The following CASR variants were observed in gnomAD, a reference collection of about 807,000 sequenced individuals.
CASR encodes the protein calcium sensing receptor, also known as extracellular calcium-sensing receptor.
A neutral mutation model predicts 69.1 loss-of-function variants in CASR; 23 were observed. The observed-to-expected ratio is 0.33, with a 90% CI of 0.24 to 0.47. The LOEUF is 0.47. Ranked by LOEUF, CASR falls within the 20% of genes least tolerant of loss-of-function variation. The probability of loss-of-function intolerance (pLI) is 1.00; values close to 1 mark genes in which losing one functional copy is unlikely to be tolerated. For missense variants in CASR, 924 were observed against 1,356.1 expected (o/e 0.68, Z 5.00); for synonymous variants, 541 against 544.7 (o/e 0.99, Z 0.10).
intron 1 of CASR, among the ~76,000 whole-genome samples, chr3:122,213,012 A>G (rs566920730): frequency 1.3e-5 from 2 of 152,300 alleles, no homozygotes; most frequent in East Asian, 3.9e-4. Flanking sequence ...GACTCAAGGT[A>G]AAATTACCTA....
At chr3:122,213,529 T>G (rs1205416182) in intron 1 of CASR, among the ~76,000 whole-genome samples, 1 of 152,206 alleles carries the variant, frequency 6.6e-6, no homozygotes, top group Admixed American at 6.5e-5. Flanking sequence ...CTGGCTCGTT[T>G]GGGTCCTCTC....
At chr3:122,201,521 C>T (rs909301345) in intron 1 of CASR, among the ~76,000 whole-genome samples, 3 of 152,264 alleles carry the variant, frequency 2.0e-5, no homozygotes, top group African/African-American at 7.2e-5. Flanking sequence ...TTGGGTACAC[C>T]TCCCAGACGG....
intron 3 of CASR, among the ~76,000 whole-genome samples, chr3:122,260,321 C>T (rs945049197): frequency 2.6e-5 from 4 of 152,218 alleles, no homozygotes; most frequent in East Asian, 3.8e-4. Flanking sequence ...CTTCAAGCAA[C>T]GATCTCTTAA....
rs558206406 is a variant in CASR, at chr3:122,263,751, G to A, written c.1377+1339G>A. ...CTGTTGGCTAAAGTTTCTAACTTCT[G>A]TGGGGTACTCAGAGCTTCTTTCTTC... On this transcript the variant is annotated intron_variant, in intron 4 of 6. Coordinates refer to ENST00000639785, the MANE Select transcript of CASR (RefSeq NM_000388.4). Among the ~76,000 whole-genome samples the A allele has an allele frequency of 6.0e-4, 92 of 152,278 alleles. 2 individuals carry two copies. The highest frequency in any genetic ancestry group is 5.9e-4 in the Admixed American group (9 of 15,296).
intron 1 of CASR, among the ~76,000 whole-genome samples, chr3:122,236,069 C>T (rs1055906856): frequency 1.3e-5 from 2 of 152,194 alleles, no homozygotes; most frequent in African/African-American, 2.4e-5. Context: ...TCCCTGCACC[C>T]GGCCCCATGC....
intron 1 of CASR, among the ~76,000 whole-genome samples, chr3:122,248,369 G>T (rs1227302686): frequency 6.7e-6 from 1 of 148,946 alleles, no homozygotes; most frequent in East Asian, 1.9e-4. Flanking sequence ...GGTGATTATT[G>T]ATTAAACTTT....
At chr3:122,252,421 G>GAA (rs751693692) in intron 1 of CASR, among the ~76,000 whole-genome samples, 3 of 43,090 alleles carry the variant, frequency 7.0e-5, no homozygotes, top group South Asian at 1.4e-3. Flanking sequence ...AAGAAAGAAA[G>GAA]AAAGAAAGAA....
intron 1 of CASR, among the ~76,000 whole-genome samples, chr3:122,190,657 C>T (rs1354190295): frequency 6.6e-6 from 1 of 152,172 alleles, no homozygotes; most frequent in East Asian, 1.9e-4. Flanking sequence ...ACTCCAGAAT[C>T]CATCATAGTG....
intron 1 of CASR, among the ~76,000 whole-genome samples, chr3:122,249,820 T>C (rs919131085): frequency 6.6e-6 from 1 of 152,252 alleles, no homozygotes; most frequent in African/African-American, 2.4e-5. Context: ...TGGAGATAAC[T>C]ACAGTAAGAA....
rs183651259 is a variant in CASR at position 122,286,733 on chromosome 3, G to A, written c.*1542G>A. On this transcript the variant is annotated 3_prime_UTR_variant, in exon 7 of 7. Transcript: ENST00000639785. ...AATGCCCTGTCTCCGCAGTGTCAGGGCCTGGACCTCCAGCATCCAGGGAAG... is the reference window on the plus strand; with the variant it reads ...AATGCCCTGTCTCCGCAGTGTCAGGACCTGGACCTCCAGCATCCAGGGAAG... 6.6e-5 allele frequency: 10 copies of A among 152,338 alleles called. No homozygotes were observed. In the East Asian group the frequency reaches 1.4e-3, roughly 21 times the overall value. 9.4% of individuals were successfully genotyped at this position (152,338 alleles called of 1,614,324 possible).
intron 1 of CASR, among the ~76,000 whole-genome samples, chr3:122,196,479 T>C (rs1300149948): frequency 6.6e-6 from 1 of 152,090 alleles, no homozygotes; most frequent in Non-Finnish European, 1.5e-5. Context: ...TTAGTTGACA[T>C]TTACTTTTTT....
At position 122,261,657 on chromosome 3, in the gene CASR, T is replaced by C. The variant is rs2074623873; in HGVS notation, c.622T>C (p.Trp208Arg). 6.2e-7 allele frequency: 1 copy of C among 1,614,078 alleles called. No individual in the cohort carries two copies. Among genetic ancestry groups the C allele is most frequent in the African/African-American group, 1.3e-5 (1 of 74,924 alleles). ...CATCATCGAGTATTTCCGCTGGAAC[T>C]GGGTGGGCACAATTGCAGCTGATGA... is the stretch of plus-strand genomic sequence containing the variant. ...ADIIEYFRWN[W>R]VGTIAADDDY... Residue 208 changes from tryptophan (W) to arginine (R), a missense_variant, in exon 4 of 7, where the codon TGG (tryptophan) becomes CGG (arginine). Physicochemically the swap from Trp to Arg is moderately radical, Grantham distance 101. Transcript: ENST00000639785.
intron 1 of CASR, among the ~76,000 whole-genome samples, chr3:122,190,554 A>G (rs568199588): frequency 6.6e-6 from 1 of 152,298 alleles, no homozygotes; most frequent in South Asian, 2.1e-4. Context: ...AATTAACACT[A>G]CTTACCTCTT....
At chr3:122,200,679 T>TA (rs1329113402) in intron 1 of CASR, among the ~76,000 whole-genome samples, 2 of 152,224 alleles carry the variant, frequency 1.3e-5, no homozygotes, top group Admixed American at 1.3e-4. Context: ...CCTGCTGTTA[T>TA]AAAAAATGTT....
chr3:122,251,266 T>G (rs1416187975), intron 1 of CASR, among the ~76,000 whole-genome samples: 1 of 152,112 alleles, frequency 6.6e-6, no homozygotes, highest in Non-Finnish European at 1.5e-5. Context: ...TGTAATAAAG[T>G]GTGATGAACC....
chr3:122,243,008 T>G (rs1419855918), intron 1 of CASR, among the ~76,000 whole-genome samples: 2 of 152,172 alleles, frequency 1.3e-5, no homozygotes, highest in Non-Finnish European at 2.9e-5. Context: ...TCTCTCACCA[T>G]ATACAAAAAT....
chr3:122,281,647 T>C (rs1471481287), intron 5 of CASR, among the ~76,000 whole-genome samples: 2 of 152,198 alleles, frequency 1.3e-5, no homozygotes, highest in Non-Finnish European at 2.9e-5. Flanking sequence ...TTTTCTCCAT[T>C]AATTTGCTAA....
At chr3:122,239,241 C>T (rs997513879) in intron 1 of CASR, among the ~76,000 whole-genome samples, 2 of 152,132 alleles carry the variant, frequency 1.3e-5, no homozygotes, top group African/African-American at 4.8e-5. Context: ...ACCTGAGGTG[C>T]CCCTGGGCTT....
intron 1 of CASR, among the ~76,000 whole-genome samples, chr3:122,195,649 A>C (rs2107583291): frequency 6.6e-6 from 1 of 152,312 alleles, no homozygotes; most frequent in African/African-American, 2.4e-5. Flanking sequence ...TCCTATCAAA[A>C]ATTTTAGGTA....
Sources: allele counts gnomAD v4.1 joint callset (sites outside exome capture counted in the v4.1 genomes callset), GRCh38; gene constraint gnomAD v4.1.1; transcripts MANE v1.5; gene names NCBI Gene and HGNC (gene_info 2026-07-23, HGNC 2026-07-21).